The following RBFOX1 variants were observed in gnomAD, a reference collection of about 807,000 sequenced individuals.
RBFOX1 encodes RNA binding protein fox-1 homolog 1.
RBFOX1 carries 8 observed loss-of-function variants against 57.7 expected under a neutral mutation model. That is an observed-to-expected ratio of 0.14 (90% CI 0.08 to 0.25). The LOEUF is 0.25. Ranked by LOEUF, RBFOX1 falls within the 10% of genes least tolerant of loss-of-function variation. The pLI is 1.00. For missense variants in RBFOX1, 611 were observed against 548.5 expected, an observed-to-expected ratio of 1.11 and a Z score of -1.14; for synonymous variants, 326 against 222.4, an observed-to-expected ratio of 1.47 and a Z score of -4.15.
chr16:6,282,817 T>G (rs904228368), intron 1 of RBFOX1, among the ~76,000 whole-genome samples: 1 of 152,214 alleles, frequency 6.6e-6, no homozygotes, highest in Admixed American at 6.5e-5. Context: ...GAGCAAGCTC[T>G]GCACATCAAC....
chr16:5,480,060 G>T (rs778762289), intron 2 of RBFOX1, among the ~76,000 whole-genome samples: 1 of 152,150 alleles, frequency 6.6e-6, no homozygotes, highest in Non-Finnish European at 1.5e-5. Context: ...CTGCATCCAG[G>T]CTTGCTGGGC....
At chr16:6,856,297 G>A (rs2057886442) in intron 3 of RBFOX1, among the ~76,000 whole-genome samples, 1 of 152,148 alleles carries the variant, frequency 6.6e-6, no homozygotes, top group African/African-American at 2.4e-5. Flanking sequence ...GTATGATGAT[G>A]TAGGAGTTCT....
At chr16:7,108,207 C>G (rs1382609262) in intron 4 of RBFOX1, among the ~76,000 whole-genome samples, 1 of 152,168 alleles carries the variant, frequency 6.6e-6, no homozygotes, top group Non-Finnish European at 1.5e-5. Flanking sequence ...TCTGGGTCAT[C>G]ATGAGCATCA....
chr16:6,971,206 A>T (rs1214247397), intron 3 of RBFOX1, among the ~76,000 whole-genome samples: 1 of 152,198 alleles, frequency 6.6e-6, no homozygotes, highest in Non-Finnish European at 1.5e-5. Context: ...ATTTTAAAAT[A>T]TAGAAAGAGG....
chr16:6,520,209 A>G (rs541821008), intron 2 of RBFOX1, among the ~76,000 whole-genome samples: 19 of 152,304 alleles, frequency 1.2e-4, no homozygotes, highest in Admixed American at 9.2e-4. Context: ...TTATGATGGT[A>G]TGTGCTTTTT....
At chr16:5,968,094 A>G (rs1456143421) in intron 4 of RBFOX1, among the ~76,000 whole-genome samples, 1 of 152,116 alleles carries the variant, frequency 6.6e-6, no homozygotes, top group East Asian at 1.9e-4. Context: ...TATTTCATTG[A>G]GATAGAGTCT....
chr16:6,419,261 C>G (rs1302667414), intron 2 of RBFOX1, among the ~76,000 whole-genome samples: 1 of 152,122 alleles, frequency 6.6e-6, no homozygotes, highest in Non-Finnish European at 1.5e-5. Context: ...CAGGTATATG[C>G]TGTGGTATCG....
At chr16:6,560,458 G>T (rs1485582192) in intron 2 of RBFOX1, among the ~76,000 whole-genome samples, 2 of 152,076 alleles carry the variant, frequency 1.3e-5, no homozygotes, top group Non-Finnish European at 2.9e-5. Flanking sequence ...AGCATTCCAG[G>T]CAGTGAAAAC....
At chr16:6,956,872 T>C (rs28376136) in intron 3 of RBFOX1, among the ~76,000 whole-genome samples, 91,000 of 151,786 alleles carry the variant, frequency 0.6, 27,396 homozygotes, top group African/African-American at 0.63. Flanking sequence ...GTGACTTCTT[T>C]CCTCATTTGT....
chr16:5,725,482 C>G (rs1337647117), intron 3 of RBFOX1, among the ~76,000 whole-genome samples: 2 of 151,780 alleles, frequency 1.3e-5, no homozygotes, highest in Non-Finnish European at 2.9e-5. Context: ...AGTCTTGTCT[C>G]AAACTTAACA....
intron 1 of RBFOX1, among the ~76,000 whole-genome samples, chr16:5,438,423 C>G (rs1029080107): frequency 3.7e-4 from 56 of 152,248 alleles, no homozygotes; most frequent in Middle Eastern, 3.4e-3. Flanking sequence ...AAGCAGTGGA[C>G]AAGTGTAATG....
chr16:5,244,334 G>C (rs974428109), intron 1 of RBFOX1, among the ~76,000 whole-genome samples: 1 of 152,216 alleles, frequency 6.6e-6, no homozygotes, highest in African/African-American at 2.4e-5. Flanking sequence ...AGACTGCAGA[G>C]TGGATTTGGG....
chr16:6,307,174 A>G (rs2152753878), intron 1 of RBFOX1, among the ~76,000 whole-genome samples: 1 of 152,292 alleles, frequency 6.6e-6, no homozygotes, highest in South Asian at 2.1e-4. Flanking sequence ...GGTCATCCTC[A>G]AAAGAGAAAT....
chr16:6,119,301 G>A (rs867483417), intron 1 of RBFOX1, among the ~76,000 whole-genome samples: 1 of 152,106 alleles, frequency 6.6e-6, no homozygotes, highest in African/African-American at 2.4e-5. Context: ...TTGACCCTGA[G>A]TAGAATGAAT....
chr16:5,758,119 G>C (rs1026773997), intron 3 of RBFOX1, among the ~76,000 whole-genome samples: 2 of 152,194 alleles, frequency 1.3e-5, no homozygotes, highest in Non-Finnish European at 2.9e-5. Context: ...TGGGGGCACA[G>C]AGCAAATGTT....
At chr16:6,085,589 A>T (rs1409136356) in intron 1 of RBFOX1, among the ~76,000 whole-genome samples, 1 of 151,982 alleles carries the variant, frequency 6.6e-6, no homozygotes, top group Non-Finnish European at 1.5e-5. Context: ...GGTTTTTAGG[A>T]TACCCTTGGT....
chr16:7,390,141 C>T (rs147274741), intron 4 of RBFOX1, among the ~76,000 whole-genome samples: 1 of 152,166 alleles, frequency 6.6e-6, no homozygotes, highest in East Asian at 1.9e-4. Flanking sequence ...AAACAAACAG[C>T]TCTTGTGAAA....
chr16:5,846,017 AC>A (rs1279540293), intron 3 of RBFOX1, among the ~76,000 whole-genome samples: 3 of 152,092 alleles, frequency 2.0e-5, no homozygotes, highest in Middle Eastern at 6.3e-3. Context: ...TACTAAAAAT[AC>A]AAAAATTACC....
At chr16:6,571,889 C>G (rs1489154754) in intron 2 of RBFOX1, among the ~76,000 whole-genome samples, 2 of 151,434 alleles carry the variant, frequency 1.3e-5, no homozygotes, top group Non-Finnish European at 2.9e-5. Flanking sequence ...GTTTTTACAA[C>G]TGTTGGTAAC....
Sources: gnomAD v4.1 joint callset for allele counts (sites outside exome capture counted in the v4.1 genomes callset) on GRCh38, gnomAD v4.1.1 for gene constraint, MANE v1.5 for transcripts, NCBI Gene and HGNC (gene_info 2026-07-23, HGNC 2026-07-21) for gene names.